Variants in OXNAD1 observed in about 807,000 individuals in gnomAD.
The protein encoded by OXNAD1 is oxidoreductase NAD binding domain containing 1, also known as oxidoreductase NAD-binding domain-containing protein 1.
Under a neutral mutation model 32.9 loss-of-function variants are expected in OXNAD1, and 34 were observed. The ratio of observed to expected loss-of-function variants is 1.03; its 90% CI spans 0.79 to 1.38. OXNAD1 has a LOEUF of 1.38. Among genes scored for constraint, OXNAD1 ranks in the 40% most tolerant of loss-of-function variants. The probability of loss-of-function intolerance (pLI) is 0.00; values close to 1 mark genes in which losing one functional copy is unlikely to be tolerated. For missense variants in OXNAD1, 407 were observed against 379.4 expected, an observed-to-expected ratio of 1.07 and a Z score of -0.60; for synonymous variants, 134 against 135.2, an observed-to-expected ratio of 0.99 and a Z score of 0.06.
downstream of OXNAD1, chr3:16,339,752 G>C (rs1286282243): frequency 6.6e-6 from 1 of 152,166 alleles, no homozygotes; most frequent in Non-Finnish European, 1.5e-5. Context: ...CCCTGCACTA[G>C]AACACAAACT....
At chr3:16,272,356 C>T (rs957037155) in intron 4 of OXNAD1, 21 of 230,068 alleles carry the variant, frequency 9.1e-5, no homozygotes, top group Admixed American at 2.2e-4. Flanking sequence ...AAACATAAAT[C>T]GGATATTTGA....
chr3:16,309,439 ATT>A (rs201061933), downstream of OXNAD1, among the ~76,000 whole-genome samples: 1 of 151,440 alleles, frequency 6.6e-6, no homozygotes, highest in East Asian at 1.9e-4. Context: ...ATACTTAAGT[ATT>A]TTTTTTCCCC....
At chr3:16,315,695 C>T (rs1258096579) in intron 9 of OXNAD1, 1 of 152,242 alleles carries the variant, frequency 6.6e-6, no homozygotes, top group South Asian at 2.1e-4. Flanking sequence ...GCCTAGCTGG[C>T]TCTGCAGCTT....
In OXNAD1 at chr3:16,303,604, T is replaced by C; in HGVS notation, c.*42T>C. 6.3e-7 allele frequency: 1 copy of C among 1,592,250 alleles called. No homozygotes were observed. The highest frequency in any genetic ancestry group is 8.6e-7 in the Non-Finnish European group (1 of 1,169,432). On this transcript the variant is annotated 3_prime_UTR_variant, in exon 9 of 9. Coordinates refer to ENST00000285083, the MANE Select transcript of OXNAD1 (RefSeq NM_138381.5). The surrounding 1 kb of genome is among the most constrained non-coding windows in gnomAD (Gnocchi z 4.8). ...GAAAAAATAAAGAGGTGAGATCTAC[T>C]CAGGAGAGCTCCTGTCCTTTGTGGC...
rs2064952255 is a variant in OXNAD1 at position 16,271,655 on chromosome 3, A to G, written c.120-4A>G. The stretch of plus-strand genomic sequence containing the variant: ...TAATAACCTAATTTTACTTTCTATT[A>G]AAGCATAATGAAATCCAAAAGGAAA... On this transcript the variant is annotated splice_polypyrimidine_tract_variant and splice_region_variant and intron_variant, in intron 3 of 8. Coordinates refer to ENST00000285083, the MANE Select transcript of OXNAD1 (RefSeq NM_138381.5). The surrounding 1 kb of genome is among the most constrained non-coding windows in gnomAD (Gnocchi z 4.6). The G allele has an allele frequency of 6.3e-7, 1 of 1,588,316 alleles. No individual in the cohort carries two copies. The highest frequency in any genetic ancestry group is 1.4e-5 in the African/African-American group (1 of 73,170).
chr3:16,333,872 A>G (rs911822174), intron 9 of OXNAD1, among the ~76,000 whole-genome samples: 1 of 152,258 alleles, frequency 6.6e-6, no homozygotes. Flanking sequence ...AAAAATGCAA[A>G]TTAAAACTAC....
At chr3:16,310,339 AG>A (rs373558756), downstream of OXNAD1, among the ~76,000 whole-genome samples, 671 of 152,236 alleles carry the variant, frequency 4.4e-3, 2 homozygotes, top group African/African-American at 0.015. Flanking sequence ...GGAGGTACCC[AG>A]GACTGAAGGT....
chr3:16,266,623 A>AG (rs2124948675), intron 1 of OXNAD1, among the ~76,000 whole-genome samples: 1 of 151,304 alleles, frequency 6.6e-6, no homozygotes, highest in African/African-American at 2.4e-5. Flanking sequence ...AAAAAAAAAA[A>AG]AAAGAAGTAG....
At chr3:16,296,160 T>C (rs2066776679) in intron 6 of OXNAD1, among the ~76,000 whole-genome samples, 1 of 152,210 alleles carries the variant, frequency 6.6e-6, no homozygotes, top group African/African-American at 2.4e-5. Flanking sequence ...AGGCAAATCA[T>C]GTTTGTAGGA....
In OXNAD1 at chr3:16,289,079, A is replaced by G. The variant is rs2066260478; in HGVS notation, c.290+2631A>G. ...GTTCTCATATCTTCAAAGAGGGAGCAGTAGTATTCCTACGTTTTGGGATAT... is the reference window on the plus strand; with the variant it reads ...GTTCTCATATCTTCAAAGAGGGAGCGGTAGTATTCCTACGTTTTGGGATAT... On this transcript the variant is annotated intron_variant, in intron 5 of 8. Transcript: ENST00000285083. The surrounding 1 kb of genome is among the most constrained non-coding windows in gnomAD (Gnocchi z 4.9). 6.6e-6 allele frequency among the ~76,000 whole-genome samples: 1 copy of G among 152,240 alleles called. No individual in the cohort carries two copies. The highest frequency in any genetic ancestry group is 1.9e-4 in the East Asian group (1 of 5,206).
At position 16,265,525 on chromosome 3, in the gene OXNAD1, C is replaced by T. The variant is rs2064424368; in HGVS notation, c.-159+20C>T. On this transcript the variant is annotated intron_variant, in intron 1 of 8. Transcript: ENST00000285083. The surrounding 1 kb of genome is among the most constrained non-coding windows in gnomAD (Gnocchi z 4.8). Reference sequence around the variant, plus strand: ...CTGCAGGTACATTCCGCTTCTTCCTCACCCCAGACGCCTTAAAATACCCTA... The same window carrying T: ...CTGCAGGTACATTCCGCTTCTTCCTTACCCCAGACGCCTTAAAATACCCTA... 1 of 152,732 alleles carries T rather than the reference C, an allele frequency of 6.5e-6. No homozygotes were observed. Among genetic ancestry groups the T allele is most frequent in the Non-Finnish European group, 1.5e-5 (1 of 68,332 alleles). The allele number at this position is 152,732 out of a possible 1,614,324, so 9.5% of individuals were successfully genotyped here.
intron 9 of OXNAD1, among the ~76,000 whole-genome samples, chr3:16,324,646 TTGTGTGTGTGTGTGTGTG>T (rs71632869): frequency 3.0e-5 from 3 of 100,432 alleles, no homozygotes; most frequent in East Asian, 3.0e-4. Flanking sequence ...TAGTATTCCA[TTGTGTGTGTGTGTGTGTG>T]TGTGTGTGTG....
downstream of OXNAD1, among the ~76,000 whole-genome samples, chr3:16,308,903 TAATA>T (rs1223310338): frequency 2.6e-5 from 4 of 152,136 alleles, no homozygotes; most frequent in Non-Finnish European, 5.9e-5. The surrounding 1 kb of genome is among the most constrained non-coding windows in gnomAD (Gnocchi z 4.4). Flanking sequence ...ATTAATTACC[TAATA>T]AATATGACCA....
In OXNAD1 at chr3:16,345,384, T is replaced by C. The variant is rs76550734; in HGVS notation, c.*31-3792T>C. ...TAAAGATATAGCCCCTGTTATCACATTGAGCCCTTAACTTGCCACAGGATG... is the reference window on the plus strand; with the variant it reads ...TAAAGATATAGCCCCTGTTATCACACTGAGCCCTTAACTTGCCACAGGATG... On this transcript the variant is annotated intron_variant, in intron 9 of 9. Coordinates refer to the OXNAD1 transcript ENST00000606098. This position sits in a 1 kb window ranked among gnomAD's most constrained non-coding sequence, Gnocchi z 5.2. 1 of 152,140 alleles carries C rather than the reference T, an allele frequency of 6.6e-6. No homozygotes were observed. The highest frequency in any genetic ancestry group is 1.9e-4 in the East Asian group (1 of 5,172). The allele number at this position is 152,140 out of a possible 1,614,324, so 9.4% of individuals were successfully genotyped here. A position where few individuals can be genotyped will look rare whatever the true frequency, so the allele number is the denominator to read the frequency against.
chr3:16,296,462 T>C (rs887676125), intron 6 of OXNAD1, among the ~76,000 whole-genome samples: 5 of 152,182 alleles, frequency 3.3e-5, no homozygotes, highest in South Asian at 2.1e-4. Context: ...TTTATAGATA[T>C]GGACAAAGTG....
At chr3:16,296,699 T>C (rs2125074979) in intron 6 of OXNAD1, among the ~76,000 whole-genome samples, 1 of 152,246 alleles carries the variant, frequency 6.6e-6, no homozygotes, top group South Asian at 2.1e-4. Flanking sequence ...ACAAAGGTGG[T>C]AGATTCAATG....
rs760089015 is a variant in OXNAD1 at position 16,302,728 on chromosome 3, A to C, written c.764A>C (p.Glu255Ala). The change falls in exon 8 of 9, where the codon GAA (glutamate) becomes GCA (alanine). Residue 255 changes from glutamate to alanine, a missense_variant. Coordinates refer to ENST00000285083, the MANE Select transcript of OXNAD1 (RefSeq NM_138381.5). The surrounding 1 kb of genome is among the most constrained non-coding windows in gnomAD (Gnocchi z 4.2). ...AAACAGACTACACAAATCAATGCGGAACTCAAGCCATACATCACGGGTGAG... is the reference window on the plus strand; with the variant it reads ...AAACAGACTACACAAATCAATGCGGCACTCAAGCCATACATCACGGGTGAG... ...VTKQTTQINAELKPYITEGRI... is the reference protein window; with the variant it reads ...VTKQTTQINAALKPYITEGRI... The C allele has an allele frequency of 6.2e-7, 1 of 1,612,030 alleles. No individual in the cohort carries two copies. Among genetic ancestry groups the C allele is most frequent in the South Asian group, 1.1e-5 (1 of 90,990 alleles).
At chr3:16,328,171 G>A (rs990260606) in intron 9 of OXNAD1, among the ~76,000 whole-genome samples, 1 of 152,272 alleles carries the variant, frequency 6.6e-6, no homozygotes, top group Admixed American at 6.5e-5. Flanking sequence ...CTCTGGCAGG[G>A]CCATGGGACT....
At chr3:16,319,227 G>C (rs1243368776) in intron 9 of OXNAD1, among the ~76,000 whole-genome samples, 3 of 152,206 alleles carry the variant, frequency 2.0e-5, no homozygotes, top group Admixed American at 6.5e-5. Context: ...AAGCCTACCT[G>C]TGTAGTATAG....
Sources: gnomAD v4.1 joint callset for allele counts (sites outside exome capture counted in the v4.1 genomes callset) on GRCh38, gnomAD v4.1.1 for gene constraint, Gnocchi (gnomAD v3.1) non-coding constraint, MANE v1.5 for transcripts, NCBI Gene and HGNC (gene_info 2026-07-23, HGNC 2026-07-21) for gene names.